The following EP300 variants were observed in gnomAD, a reference collection of about 807,000 sequenced individuals.
EP300 encodes EP300 lysine acetyltransferase, also known as histone acetyltransferase p300.
EP300 carries 31 observed loss-of-function variants against 264.0 expected under a neutral mutation model. That is an observed-to-expected ratio of 0.12 (90% confidence interval 0.09 to 0.16). The LOEUF (loss-of-function observed/expected upper bound fraction) is 0.16. EP300 is among the 10% of genes least tolerant of loss of function. The probability of loss-of-function intolerance (pLI) is 1.00; values close to 1 mark genes in which losing one functional copy is unlikely to be tolerated. For missense variants in EP300, 2,766 were observed against 3,052.9 expected (o/e 0.91, Z 2.21); for synonymous variants, 1,340 against 1,045.4 (o/e 1.28, Z -5.44).
intron 1 of EP300, among the ~76,000 whole-genome samples, chr22:41,096,712 A>G (rs1176872277): frequency 6.9e-6 from 1 of 144,882 alleles, no homozygotes; most frequent in African/African-American, 2.6e-5. Flanking sequence ...TCAACCTCCC[A>G]GGTTCAAGCG....
intron 17 of EP300, among the ~76,000 whole-genome samples, chr22:41,156,203 G>C (rs954580435): frequency 6.6e-6 from 1 of 151,866 alleles, no homozygotes; most frequent in Non-Finnish European, 1.5e-5. Flanking sequence ...AGTAGAGATG[G>C]GGTTTCTGTA....
chr22:41,161,254 C>T (rs1238881786), intron 20 of EP300, among the ~76,000 whole-genome samples: 1 of 152,162 alleles, frequency 6.6e-6, no homozygotes, highest in Non-Finnish European at 1.5e-5. Context: ...TTTGCTTGTG[C>T]TTTGCAGTCT....
intron 1 of EP300, among the ~76,000 whole-genome samples, chr22:41,103,080 C>T (rs2058740596): frequency 6.6e-6 from 1 of 152,136 alleles, no homozygotes. Context: ...GAACTCTGGC[C>T]TCAAGTGATC....
intron 9 of EP300, among the ~76,000 whole-genome samples, chr22:41,140,771 G>T (rs1319134969): frequency 6.6e-6 from 1 of 152,068 alleles, no homozygotes; most frequent in Admixed American, 6.6e-5. Context: ...GGTGACAGAG[G>T]GAGACCTTGT....
At chr22:41,157,745 T>G (rs913136260) in intron 18 of EP300, among the ~76,000 whole-genome samples, 11 of 152,050 alleles carry the variant, frequency 7.2e-5, no homozygotes, top group African/African-American at 2.7e-4. Context: ...AGTCTTGAAC[T>G]CCTGGGCTCA....
At chr22:41,117,937 A>G (rs1015669003) in intron 2 of EP300, 116 bp downstream of exon 2, 1 of 1,520,744 alleles carries the variant, frequency 6.6e-7, no homozygotes, top group Non-Finnish European at 8.9e-7. Flanking sequence ...CCAGGAATTT[A>G]CTGTGCTGTC....
At chr22:41,147,473 C>CA (rs1683203022) in intron 11 of EP300, among the ~76,000 whole-genome samples, 1 of 152,094 alleles carries the variant, frequency 6.6e-6, no homozygotes, top group African/African-American at 2.4e-5. Flanking sequence ...TGCGGTGGCT[C>CA]ACGCCTGTAA....
intron 4 of EP300, among the ~76,000 whole-genome samples, chr22:41,129,300 C>T (rs549040641): frequency 2.6e-5 from 4 of 152,176 alleles, no homozygotes; most frequent in African/African-American, 9.7e-5. Flanking sequence ...CGTGAGCCAC[C>T]GCGCCCGGCC....
Position 41,173,795 on chromosome 22 carries a change from G to C in EP300, c.4779+11G>C. The C allele has an allele frequency of 1.2e-6, 2 of 1,613,922 alleles. No individual in the cohort carries two copies. Among genetic ancestry groups the C allele is most frequent in the Non-Finnish European group, 1.7e-6 (2 of 1,179,860 alleles). ...GAGAAGCATAAAGAGGTAAGATGCAGCCACCCAGAGTTGGGGAAAAACGGC... is the reference window on the plus strand; with the variant it reads ...GAGAAGCATAAAGAGGTAAGATGCACCCACCCAGAGTTGGGGAAAAACGGC... On this transcript the variant is annotated intron_variant, in intron 29 of 30. Transcript: ENST00000263253.
At chr22:41,165,492 C>A (rs1036842583) in intron 22 of EP300, among the ~76,000 whole-genome samples, 7 of 151,972 alleles carry the variant, frequency 4.6e-5, no homozygotes, top group Non-Finnish European at 1.0e-4. Context: ...GGCGCGATCT[C>A]GGCTCACTGC....
chr22:41,168,297 G>T, intron 23 of EP300, 152 bp from the exon 24 acceptor site: 1 of 796,700 alleles, frequency 1.3e-6, no homozygotes, highest in Non-Finnish European at 2.1e-6. Context: ...ATGTAAATCT[G>T]CAAAGTAGTG....
In EP300 at chr22:41,176,334, C is replaced by T. The variant is rs1246532199; in HGVS notation, c.4867C>T (p.Leu1623=). The change falls in exon 30 of 31, where the codon CTG becomes TTG. Residue 1623 remains leucine (L), a synonymous_variant. Transcript: ENST00000263253. ...TCCTGATCCTCTCATCCCCTGCGATCTGATGGATGGTCGGGATGCGTTTCT... is the reference window on the plus strand; with the variant it reads ...TCCTGATCCTCTCATCCCCTGCGATTTGATGGATGGTCGGGATGCGTTTCT... ...VDPDPLIPCD[L]MDGRDAFLTL... is the part of the protein sequence containing the mutation. 1 of 1,614,230 alleles carries T rather than the reference C, an allele frequency of 6.2e-7. No homozygotes were observed. Among genetic ancestry groups the T allele is most frequent in the South Asian group, 1.1e-5 (1 of 91,084 alleles).
At chr22:41,165,344 C>T (rs1210627206) in intron 22 of EP300, among the ~76,000 whole-genome samples, 6 of 152,156 alleles carry the variant, frequency 3.9e-5, no homozygotes, top group Non-Finnish European at 5.9e-5. Context: ...AAGTAAAAAG[C>T]GACGGTCTCA....
chr22:41,127,559 G>A lies in EP300; in HGVS notation c.979G>A (p.Ala327Thr), dbSNP rs1482954806. 6.2e-7 allele frequency: 1 copy of A among 1,614,244 alleles called. No individual in the cohort carries two copies. The highest frequency in any genetic ancestry group is 1.1e-5 in the South Asian group (1 of 91,090). ...AGTTGCCCAAGGGATGGGTTCTGGA[G>A]CACATACAGCTGATCCAGAGAAGCG... ...TPVAQGMGSG[A>T]HTADPEKRKL... Residue 327 changes from alanine (A) to threonine (T), a missense_variant, in exon 4 of 31, where the codon GCA becomes ACA. By Grantham distance (58) the Ala-to-Thr change is moderately conservative. Coordinates refer to ENST00000263253, the MANE Select transcript of EP300 (RefSeq NM_001429.4).
chr22:41,098,606 C>G (rs535809171), intron 1 of EP300, among the ~76,000 whole-genome samples: 1 of 151,950 alleles, frequency 6.6e-6, no homozygotes, highest in Admixed American at 6.6e-5. Flanking sequence ...ACACTGACCT[C>G]GTGATCCGCC....
chr22:41,171,180 G>C (rs1011777099), intron 27 of EP300, among the ~76,000 whole-genome samples: 1 of 150,818 alleles, frequency 6.6e-6, no homozygotes, highest in African/African-American at 2.4e-5. Flanking sequence ...GATAGAGTTG[G>C]GGTATCGCCA....
Position 41,177,717 on chromosome 22 carries a change from G to A in EP300, c.6006G>A (p.Gln2002=), listed in dbSNP as rs763380520. The change falls in exon 31 of 31, where the codon CAG becomes CAA. Residue 2002 remains glutamine, a synonymous_variant. Coordinates refer to ENST00000263253, the MANE Select transcript of EP300 (RefSeq NM_001429.4). ...QPPWSQGGLP[Q]PQQLQSGMPR... Reference sequence around the variant, plus strand: ...CCTGGAGCCAAGGAGGATTGCCTCAGCCCCAGCAACTACAGTCTGGGATGC... The same window carrying A: ...CCTGGAGCCAAGGAGGATTGCCTCAACCCCAGCAACTACAGTCTGGGATGC... 6.2e-7 allele frequency: 1 copy of A among 1,613,752 alleles called. No individual in the cohort carries two copies. The highest frequency in any genetic ancestry group is 8.5e-7 in the Non-Finnish European group (1 of 1,180,020).
intron 17 of EP300, among the ~76,000 whole-genome samples, chr22:41,155,741 G>A (rs1395420796): frequency 1.3e-5 from 2 of 152,126 alleles, no homozygotes; most frequent in Non-Finnish European, 2.9e-5. Flanking sequence ...GATTCTTTGT[G>A]CCAGGACGTT....
intron 27 of EP300, among the ~76,000 whole-genome samples, chr22:41,171,010 A>G (rs371996690): frequency 9.9e-5 from 14 of 141,188 alleles, no homozygotes; most frequent in African/African-American, 3.4e-4. Flanking sequence ...TACCTCTTGC[A>G]TGTAATTCCT....
Sources: gnomAD v4.1 joint callset for allele counts (sites outside exome capture counted in the v4.1 genomes callset) on GRCh38, gnomAD v4.1.1 for gene constraint, MANE v1.5 for transcripts, NCBI Gene and HGNC (gene_info 2026-07-23, HGNC 2026-07-21) for gene names.